The following ATXN7 variants were observed in gnomAD, a reference collection of about 807,000 sequenced individuals.
The protein encoded by ATXN7 is ataxin 7.
A neutral mutation model predicts 70.5 loss-of-function variants in ATXN7; 12 were observed. The observed-to-expected ratio is 0.17, with a 90% confidence interval of 0.11 to 0.28. The LOEUF is 0.28. Among genes scored for constraint, ATXN7 ranks in the 10% least tolerant of loss-of-function variants. The pLI, the probability that ATXN7 is intolerant of heterozygous loss-of-function variation, is 1.00. For synonymous variants in ATXN7, 498 were observed against 448.7 expected (o/e 1.11, Z -1.39); for missense variants, 1,256 against 1,131.7 (o/e 1.11, Z -1.58).
rs754800168 is a variant in ATXN7 at position 63,982,375 on chromosome 3, A to C, written c.942A>C (p.Ala314=). The C allele has an allele frequency of 1.2e-6, 2 of 1,614,034 alleles. No individual in the cohort carries two copies. Among genetic ancestry groups the C allele is most frequent in the Non-Finnish European group, 1.7e-6 (2 of 1,179,922 alleles). The change falls in exon 7 of 13, where the codon GCA becomes GCC. Residue 314 remains alanine (A), a synonymous_variant. Coordinates refer to ENST00000674280, the MANE Select transcript of ATXN7 (RefSeq NM_001377405.1). ...GQILNGKGLP[A]PPTLEKKPED... The stretch of plus-strand genomic sequence containing the variant: ...TTCTGAATGGCAAAGGGCTTCCTGC[A>C]CCGCCCACTCTGGAAAAGAAACCTG...
At chr3:63,980,633 G>A (rs936080871) in intron 6 of ATXN7, 3 of 170,590 alleles carry the variant, frequency 1.8e-5, no homozygotes, top group African/African-American at 7.2e-5. Context: ...AAGAATAACA[G>A]CCACTATGCT....
chr3:63,995,518 G>C lies in ATXN7; in HGVS notation c.1696G>C (p.Val566Leu). Residue 566 changes from valine (V) to leucine (L), a missense_variant, in exon 12 of 13, where the codon GTG (valine) becomes CTG (leucine). Val to Leu is a conservative substitution (Grantham distance 32, BLOSUM62 1). Coordinates refer to ENST00000674280, the MANE Select transcript of ATXN7 (RefSeq NM_001377405.1). The stretch of plus-strand genomic sequence containing the variant: ...AATTTTTTTCAGGAAAATCCCACCA[G>C]TGCCCAGTACCACCTCACCCATCTC... Reference protein sequence around the residue: ...NAQLWKKIPPVPSTTSPISTR... With the variant: ...NAQLWKKIPPLPSTTSPISTR... The C allele has an allele frequency of 6.2e-7, 1 of 1,613,976 alleles. No homozygotes were observed. Among genetic ancestry groups the C allele is most frequent in the African/African-American group, 1.3e-5 (1 of 74,968 alleles).
chr3:63,999,208 G>A, intron 12 of ATXN7: 2 of 454,064 alleles, frequency 4.4e-6, no homozygotes, highest in Non-Finnish European at 8.0e-6. Context: ...AGAAACCCAG[G>A]CCTGCAACTC....
At chr3:63,906,208 A>G (rs1436103784) in intron 2 of ATXN7, among the ~76,000 whole-genome samples, 1 of 152,232 alleles carries the variant, frequency 6.6e-6, no homozygotes, top group Non-Finnish European at 1.5e-5. Context: ...TTTGAGAAGC[A>G]GTACAAACCC....
chr3:63,990,235 A>C lies in ATXN7; in HGVS notation c.1421A>C (p.His474Pro). 1.2e-6 allele frequency: 2 copies of C among 1,613,864 alleles called. No individual in the cohort carries two copies. The highest frequency in any genetic ancestry group is 1.7e-6 in the Non-Finnish European group (2 of 1,179,972). The part of the protein sequence containing the change: ...GSAPIDPPPV[H>P]ESPHPPLPAT... The stretch of plus-strand genomic sequence containing the variant: ...GCCCCCATTGACCCTCCTCCAGTCC[A>C]TGAATCTCCACACCCTCCCCTGCCT... The change falls in exon 10 of 13, where the codon CAT (histidine) becomes CCT (proline). Residue 474 changes from histidine (H) to proline (P), a missense_variant. Physicochemically the swap from His to Pro is moderately conservative, Grantham distance 77. Transcript: ENST00000674280.
At chr3:63,935,067 A>G (rs2074633853) in intron 4 of ATXN7, among the ~76,000 whole-genome samples, 1 of 152,218 alleles carries the variant, frequency 6.6e-6, no homozygotes, top group Admixed American at 6.5e-5. Context: ...CCTGGTATGT[A>G]GAAATGTTCT....
chr3:63,989,641 A>G (rs1161663257), intron 9 of ATXN7, among the ~76,000 whole-genome samples: 1 of 152,146 alleles, frequency 6.6e-6, no homozygotes, highest in Non-Finnish European at 1.5e-5. Flanking sequence ...AAAATAATCT[A>G]GAGATTATTT....
At chr3:63,934,064 T>C (rs970853136) in intron 4 of ATXN7, among the ~76,000 whole-genome samples, 11 of 152,218 alleles carry the variant, frequency 7.2e-5, no homozygotes, top group African/African-American at 2.4e-4. Context: ...ATCATTGTTT[T>C]TAGAATCATC....
intron 5 of ATXN7, among the ~76,000 whole-genome samples, chr3:63,965,027 G>C (rs528979640): frequency 2.8e-4 from 42 of 152,202 alleles, no homozygotes; most frequent in African/African-American, 9.6e-4. Context: ...CCAACAGCTT[G>C]TTTATTGCCC....
intron 4 of ATXN7, among the ~76,000 whole-genome samples, chr3:63,919,286 A>G (rs1704413198): frequency 2.0e-5 from 3 of 152,214 alleles, no homozygotes; most frequent in African/African-American, 7.2e-5. Context: ...CACACAACAG[A>G]GACCATATGA....
intron 9 of ATXN7, among the ~76,000 whole-genome samples, chr3:63,989,669 G>A (rs2075636691): frequency 6.6e-6 from 1 of 152,026 alleles, no homozygotes; most frequent in South Asian, 2.1e-4. Context: ...ACGGGAGGAT[G>A]CGCATAGGTT....
At chr3:63,911,134 T>TGTGAAACATGC (rs1405319122) in intron 2 of ATXN7, among the ~76,000 whole-genome samples, 1 of 152,180 alleles carries the variant, frequency 6.6e-6, no homozygotes, top group Admixed American at 6.5e-5. Flanking sequence ...ACTACTGCAG[T>TGTGAAACATGC]GTGAAACATG....
intron 4 of ATXN7, among the ~76,000 whole-genome samples, chr3:63,944,908 C>T (rs141337961): frequency 0.023 from 3,544 of 152,266 alleles, 76 homozygotes; most frequent in African/African-American, 0.058. Context: ...CCTCCTGCCT[C>T]AGCTTCCCAG....
At chr3:63,915,109 T>A (rs1023122208) in intron 4 of ATXN7, among the ~76,000 whole-genome samples, 1 of 152,094 alleles carries the variant, frequency 6.6e-6, no homozygotes, top group Non-Finnish European at 1.5e-5. Context: ...GCTAATTTTT[T>A]GTGTTTTAGT....
intron 5 of ATXN7, among the ~76,000 whole-genome samples, chr3:63,957,115 C>T (rs1348853872): frequency 6.6e-6 from 1 of 152,190 alleles, no homozygotes; most frequent in African/African-American, 2.4e-5. Flanking sequence ...GAGAGCTTCC[C>T]AGGAATTCCT....
chr3:63,865,617 C>T (rs752694752), intron 1 of ATXN7, among the ~76,000 whole-genome samples: 142 of 152,140 alleles, frequency 9.3e-4, no homozygotes, highest in Non-Finnish European at 1.8e-3. Flanking sequence ...GTCGGCCGGG[C>T]GCGGTGGCTC....
At chr3:63,884,664 G>A (rs751061358) in intron 1 of ATXN7, among the ~76,000 whole-genome samples, 2 of 151,108 alleles carry the variant, frequency 1.3e-5, no homozygotes, top group East Asian at 1.9e-4. Flanking sequence ...TATTTTTTTG[G>A]GGGGGATCAG....
chr3:63,898,476 TG>T lies in ATXN7; in HGVS notation c.-31del, dbSNP rs1435303454. The T allele has an allele frequency of 6.6e-6, 1 of 152,192 alleles. No individual in the cohort carries two copies. The highest frequency in any genetic ancestry group is 1.5e-5 in the Non-Finnish European group (1 of 68,026). 9.4% of individuals were successfully genotyped at this position (152,192 alleles called of 1,614,324 possible). ...CCATTGGTAAATTGATCAGGATTTTTGGCCTACCCTCCAAAGAAAAGGTAAC... is the reference window on the plus strand; with the variant it reads ...CCATTGGTAAATTGATCAGGATTTTTGCCTACCCTCCAAAGAAAAGGTAAC... On this transcript the variant is annotated 5_prime_UTR_variant, in exon 2 of 13. Coordinates refer to ENST00000674280, the MANE Select transcript of ATXN7 (RefSeq NM_001377405.1).
intron 2 of ATXN7, chr3:63,904,998 CCTT>C (rs1703785945): frequency 2.0e-5 from 3 of 152,076 alleles, no homozygotes; most frequent in African/African-American, 4.8e-5. Context: ...ATGATATTGA[CCTT>C]CTTTTTTTGT....
Sources: allele counts gnomAD v4.1 joint callset (sites outside exome capture counted in the v4.1 genomes callset), GRCh38; gene constraint gnomAD v4.1.1; transcripts MANE v1.5; gene names NCBI Gene and HGNC (gene_info 2026-07-23, HGNC 2026-07-21).